Variants in PIK3CB observed in about 807,000 individuals in gnomAD.
The protein encoded by PIK3CB is phosphatidylinositol 4,5-bisphosphate 3-kinase catalytic subunit beta isoform.
PIK3CB carries 39 observed loss-of-function variants against 136.8 expected under a neutral mutation model. The observed-to-expected ratio is 0.29, with a 90% CI of 0.22 to 0.37. The LOEUF is 0.37. Among genes scored for constraint, PIK3CB ranks in the 10% least tolerant of loss-of-function variants. The pLI, the probability that PIK3CB is intolerant of heterozygous loss-of-function variation, is 1.00. For missense variants in PIK3CB, 868 were observed against 1,275.4 expected (o/e 0.68, Z 4.87); for synonymous variants, 428 against 436.6 (o/e 0.98, Z 0.25).
chr3:138,832,686 G>A (rs575923341), intron 1 of PIK3CB, among the ~76,000 whole-genome samples: 86 of 152,130 alleles, frequency 5.7e-4, no homozygotes, highest in Non-Finnish European at 1.1e-3. Context: ...AAAATTAGCC[G>A]CGTGTGGTGG....
intron 2 of PIK3CB, chr3:138,769,965 A>AT (rs150253807): frequency 3.3e-5 from 5 of 152,146 alleles, no homozygotes; most frequent in Non-Finnish European, 7.3e-5. Context: ...CAAAAGTCAG[A>AT]TTTTTTCCCC....
At chr3:138,807,532 G>T (rs1170756138) in intron 1 of PIK3CB, among the ~76,000 whole-genome samples, 3 of 152,148 alleles carry the variant, frequency 2.0e-5, no homozygotes, top group African/African-American at 7.2e-5. Flanking sequence ...TTTGTCAACA[G>T]AGGACTGGTT....
chr3:138,786,092 CAAATA>C (rs199532851), intron 2 of PIK3CB, among the ~76,000 whole-genome samples: 3 of 151,962 alleles, frequency 2.0e-5, no homozygotes, highest in African/African-American at 4.8e-5. Context: ...GACTCCATCT[CAAATA>C]AAATAAAATA....
At chr3:138,683,030 A>C (rs2043811719) in intron 18 of PIK3CB, among the ~76,000 whole-genome samples, 1 of 152,170 alleles carries the variant, frequency 6.6e-6, no homozygotes, top group South Asian at 2.1e-4. Flanking sequence ...TATTGCTATC[A>C]CTGAAACAAG....
intron 2 of PIK3CB, chr3:138,770,056 C>T (rs2045781166): frequency 1.3e-5 from 2 of 152,118 alleles, no homozygotes; most frequent in Admixed American, 1.3e-4. Flanking sequence ...CCTACCTTGC[C>T]TGGCAAGATC....
At chr3:138,734,429 G>A (rs1361290456) in intron 7 of PIK3CB, among the ~76,000 whole-genome samples, 4 of 151,944 alleles carry the variant, frequency 2.6e-5, no homozygotes, top group East Asian at 1.9e-4. Flanking sequence ...AAATATAAAC[G>A]GCATATTTAC....
intron 11 of PIK3CB, among the ~76,000 whole-genome samples, chr3:138,705,198 A>AAAAAAAAAAAT: frequency 6.9e-6 from 1 of 144,076 alleles, no homozygotes. Context: ...AACAAAAAAA[A>AAAAAAAAAAAT]AAACTTATAT....
intron 2 of PIK3CB, among the ~76,000 whole-genome samples, chr3:138,785,793 C>T (rs866024892): frequency 2.0e-5 from 3 of 147,710 alleles, no homozygotes; most frequent in African/African-American, 7.5e-5. Context: ...TCCCCCGCTC[C>T]GAGAAACACC....
chr3:138,702,569 G>A (rs1576337426), intron 12 of PIK3CB, among the ~76,000 whole-genome samples: 2 of 151,982 alleles, frequency 1.3e-5, no homozygotes, highest in African/African-American at 2.4e-5. Flanking sequence ...TCTTATAAAG[G>A]GTAATGAGAC....
chr3:138,812,740 G>A (rs1023249046), intron 1 of PIK3CB, among the ~76,000 whole-genome samples: 3 of 151,728 alleles, frequency 2.0e-5, no homozygotes, highest in African/African-American at 4.8e-5. Flanking sequence ...TGTTGGCCGG[G>A]CTGGTCTCGA....
At chr3:138,706,229 C>A (rs2044375341) in intron 11 of PIK3CB, among the ~76,000 whole-genome samples, 1 of 152,194 alleles carries the variant, frequency 6.6e-6, no homozygotes, top group Non-Finnish European at 1.5e-5. Context: ...CAGAGAAATA[C>A]TCCATTTTTT....
intron 12 of PIK3CB, among the ~76,000 whole-genome samples, chr3:138,699,855 C>T (rs2044212208): frequency 6.6e-6 from 1 of 152,012 alleles, no homozygotes; most frequent in African/African-American, 2.4e-5. Flanking sequence ...CTGCATTCTC[C>T]AAGGAGCACT....
Position 138,759,210 on chromosome 3 carries a change from T to G in PIK3CB, c.134A>C (p.Glu45Ala). Residue 45 changes from glutamate (E) to alanine (A), a missense_variant, in exon 3 of 24, where the codon GAG becomes GCG. Glu to Ala is a moderately radical substitution (Grantham distance 107). Coordinates refer to ENST00000674063, the MANE Select transcript of PIK3CB (RefSeq NM_006219.3). ...AGAAATGGTAGCTTCCCGAGGTACC[T>G]CCAACTGGATATAAATCCCAGTGGG... The part of the protein sequence containing the change: ...LLPTGIYIQL[E>A]VPREATISYI... 1.2e-6 allele frequency: 2 copies of G among 1,611,456 alleles called. No individual in the cohort carries two copies. Among genetic ancestry groups the G allele is most frequent in the Non-Finnish European group, 1.7e-6 (2 of 1,177,948 alleles).
intron 6 of PIK3CB, among the ~76,000 whole-genome samples, chr3:138,735,245 A>G (rs1272563780): frequency 6.6e-6 from 1 of 152,032 alleles, no homozygotes; most frequent in Non-Finnish European, 1.5e-5. Flanking sequence ...CACCAAGCCC[A>G]GCCTAAGCAT....
chr3:138,715,824 C>T, intron 8 of PIK3CB, among the ~76,000 whole-genome samples: 1 of 151,394 alleles, frequency 6.6e-6, no homozygotes, highest in East Asian at 1.9e-4. Context: ...GGTTAGTAGG[C>T]CAGACATATC....
intron 4 of PIK3CB, among the ~76,000 whole-genome samples, chr3:138,749,557 T>TA (rs1206823553): frequency 6.6e-6 from 1 of 152,252 alleles, no homozygotes; most frequent in East Asian, 1.9e-4. Context: ...TGGATGGCAC[T>TA]GTATGCTCTG....
rs1353455499 is a variant in PIK3CB, at chr3:138,817,750, T to C, written c.-122+16945A>G. ...AAATAAAGCACTGGGCCAGAATGTA[T>C]AGGAAGTAAAAGGTATACGATCTAG... On this transcript the variant is annotated intron_variant, in intron 1 of 23. Coordinates refer to ENST00000674063, the MANE Select transcript of PIK3CB (RefSeq NM_006219.3). Among the ~76,000 whole-genome samples, 3 of 152,016 alleles carry C rather than the reference T, an allele frequency of 2.0e-5. No individual in the cohort carries two copies. In the East Asian group the frequency reaches 5.8e-4, roughly 29 times the overall value.
intron 1 of PIK3CB, chr3:138,825,677 C>T: frequency 3.1e-6 from 2 of 650,262 alleles, no homozygotes; most frequent in Non-Finnish European, 5.6e-6. Context: ...ACTGACAAAC[C>T]CTTGCATCTG....
At chr3:138,744,478 T>TGAG (rs1413503654) in intron 4 of PIK3CB, among the ~76,000 whole-genome samples, 1 of 141,044 alleles carries the variant, frequency 7.1e-6, no homozygotes, top group Non-Finnish European at 1.5e-5. Flanking sequence ...CTGAGTAGGC[T>TGAG]GAGGAGGAGG....
Sources: gnomAD v4.1 joint callset for allele counts (sites outside exome capture counted in the v4.1 genomes callset) on GRCh38, gnomAD v4.1.1 for gene constraint, MANE v1.5 for transcripts, NCBI Gene and HGNC (gene_info 2026-07-23, HGNC 2026-07-21) for gene names.